Variants in OPHN1 observed in about 807,000 individuals in gnomAD.
OPHN1 encodes the protein oligophrenin-1.
OPHN1 carries 11 observed loss-of-function variants against 60.7 expected under a neutral mutation model. That is an observed-to-expected ratio of 0.18 (90% CI 0.11 to 0.30). The LOEUF is 0.30. Ranked by LOEUF, OPHN1 falls within the 10% of genes least tolerant of loss-of-function variation. The pLI, the probability that OPHN1 is intolerant of heterozygous loss-of-function variation, is 1.00. For synonymous variants in OPHN1, 226 were observed against 222.6 expected (o/e 1.02, Z -0.14); for missense variants, 449 against 611.0 (o/e 0.73, Z 2.80).
rs192324723 is a variant in OPHN1 at position 68,303,384 on chromosome X, C to A, written c.155-4288G>T. On this transcript the variant is annotated intron_variant, in intron 2 of 24. Coordinates refer to ENST00000355520, the MANE Select transcript of OPHN1 (RefSeq NM_002547.3). ...AAAATGGGCCAGGCACAGTGGCTCA[C>A]GCCTGTAATCCCAGCACTTTGGGAG... Among the ~76,000 whole-genome samples the A allele has an allele frequency of 1.1e-3, 118 of 111,528 alleles. No individual in the cohort carries two copies. In the Middle Eastern group the frequency reaches 0.014, roughly 13 times the overall value.
At chrX:68,415,449 G>A (rs998269397) in intron 2 of OPHN1, among the ~76,000 whole-genome samples, 5 of 111,507 alleles carry the variant, frequency 4.5e-5, no homozygotes, top group African/African-American at 1.6e-4. Flanking sequence ...CTGACCAGCT[G>A]GAGAAAGCTT....
intron 2 of OPHN1, among the ~76,000 whole-genome samples, chrX:68,389,121 A>ATT (rs111626398): frequency 1.0e-3 from 99 of 94,356 alleles, no homozygotes; most frequent in South Asian, 5.7e-3. Context: ...ACTCTGGCTA[A>ATT]TTTTTTTTTT....
intron 2 of OPHN1, among the ~76,000 whole-genome samples, chrX:68,400,467 T>C (rs1445428332): frequency 1.8e-5 from 2 of 111,455 alleles, no homozygotes; most frequent in Non-Finnish European, 3.8e-5. Context: ...ACAGGTTTAA[T>C]TGGCTCACAG....
intron 5 of OPHN1, among the ~76,000 whole-genome samples, chrX:68,242,665 C>A (rs2147534747): frequency 9.0e-6 from 1 of 110,716 alleles, no homozygotes; most frequent in South Asian, 3.8e-4. Context: ...TGGAAAAAAC[C>A]CAAATGTCTA....
At chrX:68,120,368 A>G (rs2077145714) in intron 15 of OPHN1, among the ~76,000 whole-genome samples, 1 of 112,200 alleles carries the variant, frequency 8.9e-6, no homozygotes, top group Non-Finnish European at 1.9e-5. Context: ...TATTTGAAAA[A>G]AATTTCAAAA....
At chrX:68,189,381 G>C (rs2077477347) in intron 15 of OPHN1, among the ~76,000 whole-genome samples, 1 of 110,264 alleles carries the variant, frequency 9.1e-6, no homozygotes, top group Non-Finnish European at 1.9e-5. Flanking sequence ...TATACTTTAA[G>C]TTCTAGGGTA....
chrX:68,340,520 T>C (rs1602339365), intron 2 of OPHN1, among the ~76,000 whole-genome samples: 1 of 111,534 alleles, frequency 9.0e-6, no homozygotes, highest in African/African-American at 3.3e-5. Context: ...AAGAATGAAG[T>C]TGTACCTTAC....
intron 19 of OPHN1, among the ~76,000 whole-genome samples, chrX:68,076,007 A>C (rs781077856): frequency 2.7e-5 from 3 of 110,426 alleles, no homozygotes; most frequent in African/African-American, 9.8e-5. Flanking sequence ...AGACACTGTT[A>C]AGAATGAAAA....
intron 15 of OPHN1, among the ~76,000 whole-genome samples, chrX:68,153,222 A>G (rs1314342231): frequency 1.8e-5 from 2 of 109,711 alleles, no homozygotes; most frequent in Non-Finnish European, 3.8e-5. Context: ...AAAAAAAAAA[A>G]AAAAGAAAAA....
chrX:68,307,104 A>G (rs2078148826), intron 2 of OPHN1, among the ~76,000 whole-genome samples: 2 of 111,237 alleles, frequency 1.8e-5, no homozygotes, highest in East Asian at 5.6e-4. Flanking sequence ...GCAAAAATTT[A>G]GCACAGCTTA....
intron 2 of OPHN1, among the ~76,000 whole-genome samples, chrX:68,427,127 G>A (rs773265191): frequency 5.8e-5 from 6 of 104,121 alleles, no homozygotes; most frequent in African/African-American, 2.1e-4. Flanking sequence ...ACTTAGCATG[G>A]GCATGGTGGC....
chrX:68,401,031 A>G (rs1029240221), intron 2 of OPHN1, among the ~76,000 whole-genome samples: 1 of 111,641 alleles, frequency 9.0e-6, no homozygotes, highest in South Asian at 3.8e-4. Context: ...CACTATCATG[A>G]CGACAGCACC....
intron 3 of OPHN1, among the ~76,000 whole-genome samples, chrX:68,296,235 T>C (rs776162238): frequency 7.1e-5 from 8 of 112,074 alleles, no homozygotes; most frequent in Middle Eastern, 4.6e-3. Context: ...CTCTCTTTGG[T>C]CCTCAATAAT....
chrX:68,351,261 C>T (rs923720961), intron 2 of OPHN1, among the ~76,000 whole-genome samples: 1 of 111,108 alleles, frequency 9.0e-6, no homozygotes, highest in Non-Finnish European at 1.9e-5. Flanking sequence ...TCCCCTCAAC[C>T]AGATTTCACC....
intron 2 of OPHN1, among the ~76,000 whole-genome samples, chrX:68,402,802 G>A (rs1441690648): frequency 9.0e-6 from 1 of 111,718 alleles, no homozygotes; most frequent in African/African-American, 3.3e-5. Flanking sequence ...GCCAAGACAG[G>A]TTCCACATAT....
In OPHN1 at chrX:68,414,928, T is replaced by TA. The variant is rs554700629; in HGVS notation, c.154+17938dup. ...CAAATGTTCTTTAGGTGCATAAGAA[T>TA]AAAAAAAGAAGAAGACTTAATTAAA... On this transcript the variant is annotated intron_variant, in intron 2 of 24. Transcript: ENST00000355520. 3.0e-4 allele frequency among the ~76,000 whole-genome samples: 34 copies of TA among 112,125 alleles called. No homozygotes were observed. In the South Asian group the frequency reaches 0.013, roughly 41 times the overall value.
chrX:68,196,220 T>C (rs2077512231), intron 12 of OPHN1, among the ~76,000 whole-genome samples: 1 of 111,999 alleles, frequency 8.9e-6, no homozygotes, highest in Non-Finnish European at 1.9e-5. Flanking sequence ...GCATTTTCCC[T>C]CCTAGCCAGT....
At chrX:68,120,453 T>C (rs1051054435) in intron 15 of OPHN1, among the ~76,000 whole-genome samples, 2 of 111,953 alleles carry the variant, frequency 1.8e-5, no homozygotes, top group African/African-American at 3.2e-5. Context: ...GAATAACTGC[T>C]ATACTAAAAA....
intron 2 of OPHN1, among the ~76,000 whole-genome samples, chrX:68,348,240 T>C (rs889397883): frequency 4.5e-5 from 5 of 112,018 alleles, no homozygotes; most frequent in African/African-American, 1.6e-4. Flanking sequence ...ATTGTGACTA[T>C]TGGTTTGATA....
Sources: allele counts gnomAD v4.1 joint callset (sites outside exome capture counted in the v4.1 genomes callset), GRCh38; gene constraint gnomAD v4.1.1; transcripts MANE v1.5; gene names NCBI Gene and HGNC (gene_info 2026-07-23, HGNC 2026-07-21).